The following MIS18BP1 variants were observed in gnomAD, a reference collection of about 807,000 sequenced individuals.
The protein encoded by MIS18BP1 is MIS18 binding protein 1, also known as mis18-binding protein 1.
In MIS18BP1, 72 loss-of-function variants were observed where a neutral mutation model predicts 116.1. The observed-to-expected ratio is 0.62, with a 90% CI of 0.51 to 0.75. The LOEUF is 0.75. Among genes scored for constraint, MIS18BP1 ranks in the 30% least tolerant of loss-of-function variants. MIS18BP1 has a pLI of 0.00. For missense variants in MIS18BP1, 1,363 were observed against 1,303.2 expected, an observed-to-expected ratio of 1.05 and a Z score of -0.71; for synonymous variants, 386 against 427.0, an observed-to-expected ratio of 0.90 and a Z score of 1.18.
intron 14 of MIS18BP1, among the ~76,000 whole-genome samples, chr14:45,209,858 A>C (rs1038692170): frequency 6.6e-6 from 1 of 152,214 alleles, no homozygotes; most frequent in Admixed American, 6.5e-5. Context: ...AAAATTAACA[A>C]TGCATTCCTT....
In MIS18BP1 at chr14:45,237,713, C is replaced by T. The variant is rs769559945; in HGVS notation, c.1152G>A (p.Gln384=). 1 of 1,601,064 alleles carries T rather than the reference C, an allele frequency of 6.2e-7. No homozygotes were observed. The highest frequency in any genetic ancestry group is 1.1e-5 in the South Asian group (1 of 88,538). Residue 384 remains glutamine (Q), a synonymous_variant, in exon 5 of 17, where the codon CAG becomes CAA. Transcript: ENST00000310806. ...TGCTTTTAATCATCCATTCCTGTAG[C>T]TGAACTACCTAATCAAGTATAAAAC... ...TNGLKKNQVV[Q]LQEWMIKSIN... is the part of the protein sequence containing the mutation.
At position 45,242,237 on chromosome 14, in the gene MIS18BP1, A is replaced by G; in HGVS notation, c.940T>C (p.Ser314Pro). The change falls in exon 4 of 17, where the codon TCG becomes CCG. Residue 314 changes from serine (S) to proline (P), a missense_variant. Coordinates refer to ENST00000310806, the MANE Select transcript of MIS18BP1 (RefSeq NM_018353.5). ...TTTCCTTCCTTAACTTTCTGTTGCG[A>G]AGTCCCTTCTGTTGTCCTCTCACTA... is the stretch of plus-strand genomic sequence containing the variant. ...SDSERTTEGT[S>P]QQKVKEGNGK... The G allele has an allele frequency of 6.2e-7, 1 of 1,614,126 alleles. No homozygotes were observed. Among genetic ancestry groups the G allele is most frequent in the Non-Finnish European group, 8.5e-7 (1 of 1,180,018 alleles).
chr14:45,232,952 C>T, intron 6 of MIS18BP1, 132 bp from the exon 7 acceptor site: 1 of 559,636 alleles, frequency 1.8e-6, no homozygotes, highest in Non-Finnish European at 3.2e-6. Context: ...TATAGATATT[C>T]AGAATTCGGC....
At chr14:45,237,159 A>T (rs1160883089) in intron 5 of MIS18BP1, among the ~76,000 whole-genome samples, 1 of 152,168 alleles carries the variant, frequency 6.6e-6, no homozygotes, top group African/African-American at 2.4e-5. Flanking sequence ...AGAATTAGGT[A>T]AAGCCCACTT....
rs185499934 is a variant in MIS18BP1 at position 45,215,827 on chromosome 14, C to T, written c.3003+1192G>A. 8.5e-5 allele frequency among the ~76,000 whole-genome samples: 13 copies of T among 152,074 alleles called. No homozygotes were observed. In the East Asian group the frequency reaches 2.5e-3, roughly 30 times the overall value. ...TCATGCTATTCTCCTGCCTCAGCCT[C>T]CCGAGTAGCTGGGACTACAGGCGGC... On this transcript the variant is annotated intron_variant, in intron 13 of 16. Transcript: ENST00000310806.
intron 2 of MIS18BP1, 53 bp from the exon 3 acceptor site, chr14:45,242,927 G>A: frequency 8.6e-7 from 1 of 1,168,794 alleles, no homozygotes; most frequent in Non-Finnish European, 1.2e-6. Flanking sequence ...TAGTCACTAA[G>A]AAAAAAACAG....
At position 45,242,396 on chromosome 14, in the gene MIS18BP1, T is replaced by C; in HGVS notation, c.781A>G (p.Thr261Ala). Residue 261 changes from threonine to alanine, a missense_variant, in exon 4 of 17, where the codon ACT (threonine) becomes GCT (alanine). Transcript: ENST00000310806. ...FHSKESIVAT[T>A]KSKKDTFVLE... ...ACAAACGTGTCCTTTTTGGATTTAG[T>C]GGTTGCAACTATACTCTCCTTTGAG... is the stretch of plus-strand genomic sequence containing the variant. The C allele has an allele frequency of 1.9e-6, 3 of 1,614,054 alleles. No individual in the cohort carries two copies. Among genetic ancestry groups the C allele is most frequent in the Non-Finnish European group, 8.5e-7 (1 of 1,179,970 alleles).
intron 4 of MIS18BP1, among the ~76,000 whole-genome samples, chr14:45,240,455 T>C (rs1028022481): frequency 4.6e-5 from 7 of 151,816 alleles, no homozygotes; most frequent in Non-Finnish European, 8.8e-5. Context: ...CTCAATTTTC[T>C]CCCTACCTAC....
At chr14:45,213,573 T>A (rs1801262205) in intron 13 of MIS18BP1, among the ~76,000 whole-genome samples, 1 of 152,234 alleles carries the variant, frequency 6.6e-6, no homozygotes, top group Non-Finnish European at 1.5e-5. Flanking sequence ...GTCTCTGTCC[T>A]AACTACTCAA....
chr14:45,204,535 A>T (rs1890459220), intron 15 of MIS18BP1, 82 bp from the exon 16 acceptor site: 1 of 980,070 alleles, frequency 1.0e-6, no homozygotes. Context: ...AAGCATGCTT[A>T]TCCCCAGATT....
intron 10 of MIS18BP1, among the ~76,000 whole-genome samples, chr14:45,225,033 A>G (rs1398389882): frequency 6.6e-6 from 1 of 152,080 alleles, no homozygotes; most frequent in Non-Finnish European, 1.5e-5. Flanking sequence ...CATAGTTCCA[A>G]TCTCTCACTG....
At chr14:45,248,055 G>T (rs929615461) in intron 1 of MIS18BP1, among the ~76,000 whole-genome samples, 85 of 109,076 alleles carry the variant, frequency 7.8e-4, no homozygotes, top group Middle Eastern at 5.1e-3. Flanking sequence ...TGTTTCTTTC[G>T]TTTTTTTTTT....
At chr14:45,218,536 T>G in intron 11 of MIS18BP1, 82 bp from the exon 12 acceptor site, 4 of 1,184,374 alleles carry the variant, frequency 3.4e-6, no homozygotes. Flanking sequence ...ACTGAATTGA[T>G]GAGATTTACT....
intron 2 of MIS18BP1, among the ~76,000 whole-genome samples, chr14:45,245,489 C>T (rs917005187): frequency 3.3e-5 from 5 of 151,992 alleles, no homozygotes; most frequent in South Asian, 4.1e-4. Context: ...CTTAGCCTCC[C>T]GAGTAGCTGG....
At position 45,246,930 on chromosome 14, in the gene MIS18BP1, T is replaced by C. The variant is rs952088507; in HGVS notation, c.357A>G (p.Lys119=). 41 of 1,603,490 alleles carry C rather than the reference T, an allele frequency of 2.6e-5. No individual in the cohort carries two copies. The highest frequency in any genetic ancestry group is 3.1e-5 in the Non-Finnish European group (37 of 1,177,600). Residue 119 remains lysine (K), a synonymous_variant, in exon 2 of 17, where the codon AAA becomes AAG. Coordinates refer to ENST00000310806, the MANE Select transcript of MIS18BP1 (RefSeq NM_018353.5). The part of the protein sequence containing the change: ...ESPGKIFLRM[K]EKVLRDKQEQ... ...CTTGCTTGTCACGCAGTACTTTTTC[T>C]TTCATTCTTAGAAATATTTTTCCTG...
chr14:45,209,355 C>T (rs553024002), intron 14 of MIS18BP1, among the ~76,000 whole-genome samples: 2 of 151,668 alleles, frequency 1.3e-5, no homozygotes, highest in African/African-American at 4.8e-5. Flanking sequence ...GAGACAGGAT[C>T]TCACTCTGTT....
At chr14:45,242,724 T>C in intron 3 of MIS18BP1, 37 bp downstream of exon 3, 1 of 1,547,666 alleles carries the variant, frequency 6.5e-7, no homozygotes, top group Non-Finnish European at 8.8e-7. Context: ...ACAATATACT[T>C]AAGTAACAAA....
chr14:45,221,209 C>T (rs576314664), intron 11 of MIS18BP1, among the ~76,000 whole-genome samples: 20 of 152,004 alleles, frequency 1.3e-4, no homozygotes, highest in South Asian at 4.2e-4. Context: ...GAGGCCAAGG[C>T]GGGAGGATCA....
chr14:45,204,768 G>T (rs959405656), intron 15 of MIS18BP1, among the ~76,000 whole-genome samples: 4 of 151,988 alleles, frequency 2.6e-5, no homozygotes, highest in African/African-American at 9.7e-5. Flanking sequence ...AAGTAATTAA[G>T]TAATGAATAT....
Sources: allele counts gnomAD v4.1 joint callset (sites outside exome capture counted in the v4.1 genomes callset), GRCh38; gene constraint gnomAD v4.1.1; transcripts MANE v1.5; gene names NCBI Gene and HGNC (gene_info 2026-07-23, HGNC 2026-07-21).